The following ABCB1 variants were observed in gnomAD, a reference collection of about 807,000 sequenced individuals.
ABCB1 encodes ATP-dependent translocase ABCB1.
ABCB1 carries 69 observed loss-of-function variants against 142.0 expected under a neutral mutation model. The ratio of observed to expected loss-of-function variants is 0.49; its 90% CI spans 0.40 to 0.59. The LOEUF is 0.59. Ranked by LOEUF, ABCB1 falls within the 20% of genes least tolerant of loss-of-function variation. ABCB1 has a pLI of 0.00. For missense variants in ABCB1, 1,326 were observed against 1,554.7 expected (o/e 0.85, Z 2.47); for synonymous variants, 532 against 539.2 (o/e 0.99, Z 0.18).
At chr7:87,651,787 A>G (rs1823596360) in intron 1 of ABCB1, among the ~76,000 whole-genome samples, 1 of 152,100 alleles carries the variant, frequency 6.6e-6, no homozygotes, top group African/African-American at 2.4e-5. Flanking sequence ...TAAGTGTTTA[A>G]ATGAGTTGAG....
In ABCB1 at chr7:87,531,312, T is replaced by C. The variant is rs1816047278; in HGVS notation, c.2667A>G (p.Glu889=). The change falls in exon 21 of 28, where the codon GAA becomes GAG. Residue 889 remains glutamate (E), a synonymous_variant. Transcript: ENST00000622132. ...GACTCACCTTCCCAGAACCTTCTAG[T>C]TCTTTCTTATCTTTCAGTGCTTGTC... is the stretch of plus-strand genomic sequence containing the variant. ...LSGQALKDKK[E]LEGSGKIATE... 3 of 1,613,254 alleles carry C rather than the reference T, an allele frequency of 1.9e-6. No individual in the cohort carries two copies. Among genetic ancestry groups the C allele is most frequent in the Non-Finnish European group, 2.5e-6 (3 of 1,179,554 alleles).
rs2229109 is a variant in ABCB1 at position 87,550,493 on chromosome 7, C to T, written c.1199G>A (p.Ser400Asn). The T allele has an allele frequency of 0.032, 51,811 of 1,613,078 alleles. 1,007 individuals carry two copies. The highest frequency in any genetic ancestry group is 0.038 in the Non-Finnish European group (44,804 of 1,179,762). ...GNLEFRNVHFSYPSRKEVKIL... is the reference protein window; with the variant it reads ...GNLEFRNVHFNYPSRKEVKIL... Reference sequence around the variant, plus strand: ...CTTAACTTCTTTTCGAGATGGGTAACTGAAGTGAACATTTCTGAATTCCAA... The same window carrying T: ...CTTAACTTCTTTTCGAGATGGGTAATTGAAGTGAACATTTCTGAATTCCAA... Residue 400 changes from serine to asparagine, a missense_variant, in exon 11 of 28, where the codon AGT becomes AAT. Transcript: ENST00000622132.
At chr7:87,625,683 AAACTGTTG>A (rs999936134) in intron 1 of ABCB1, among the ~76,000 whole-genome samples, 20 of 152,158 alleles carry the variant, frequency 1.3e-4, no homozygotes, top group African/African-American at 4.8e-4. Context: ...TTCTGAATCC[AAACTGTTG>A]AACTAGCAAG....
chr7:87,675,973 T>C (rs1826314221), intron 1 of ABCB1, among the ~76,000 whole-genome samples: 1 of 152,186 alleles, frequency 6.6e-6, no homozygotes, highest in Non-Finnish European at 1.5e-5. Context: ...TCCCAGTGCT[T>C]TGTGATACTG....
chr7:87,539,914 C>T (rs767526899), intron 18 of ABCB1, among the ~76,000 whole-genome samples: 25 of 152,192 alleles, frequency 1.6e-4, no homozygotes, highest in Non-Finnish European at 3.1e-4. Flanking sequence ...CCACCTCACT[C>T]CAACTTTCTT....
In ABCB1 at chr7:87,550,816, C is replaced by G; in HGVS notation, c.1022G>C (p.Gly341Ala). The G allele has an allele frequency of 6.2e-7, 1 of 1,611,912 alleles. No homozygotes were observed. Among genetic ancestry groups the G allele is most frequent in the South Asian group, 1.1e-5 (1 of 91,040 alleles). ...AGATGCCTGTCCAACACTAAAAGCCCCAATTAATACAGAAAAGAATACCTG... is the reference window on the plus strand; with the variant it reads ...AGATGCCTGTCCAACACTAAAAGCCGCAATTAATACAGAAAAGAATACCTG... ...VLTVFFSVLI[G>A]AFSVGQASPS... Residue 341 changes from glycine to alanine, a missense_variant, in exon 10 of 28, where the codon GGG (glycine) becomes GCG (alanine). Physicochemically the swap from Gly to Ala is moderately conservative, Grantham distance 60. Coordinates refer to ENST00000622132, the MANE Select transcript of ABCB1 (RefSeq NM_001348946.2).
At chr7:87,548,964 T>G (rs963016140) in intron 14 of ABCB1, among the ~76,000 whole-genome samples, 3 of 152,238 alleles carry the variant, frequency 2.0e-5, no homozygotes, top group African/African-American at 7.2e-5. Context: ...GGTTGTATTT[T>G]TCTCTTCTTG....
In ABCB1 at chr7:87,536,561, T is replaced by A. The variant is rs1326169354; in HGVS notation, c.2398-20A>T. On this transcript the variant is annotated intron_variant, in intron 19 of 27. Coordinates refer to ENST00000622132, the MANE Select transcript of ABCB1 (RefSeq NM_001348946.2). Reference sequence around the variant, plus strand: ...CACATCCTGTGGCACAGAAAATGATTTTATTACCTTAAAGCTGTTTATGAG... The same window carrying A: ...CACATCCTGTGGCACAGAAAATGATATTATTACCTTAAAGCTGTTTATGAG... The A allele has an allele frequency of 5.6e-6, 9 of 1,612,666 alleles. No homozygotes were observed. Among genetic ancestry groups the A allele is most frequent in the Non-Finnish European group, 7.6e-6 (9 of 1,178,832 alleles).
At chr7:87,591,576 G>T (rs957399130) in intron 3 of ABCB1, among the ~76,000 whole-genome samples, 1 of 152,076 alleles carries the variant, frequency 6.6e-6, no homozygotes, top group Non-Finnish European at 1.5e-5. Context: ...ATGGAGCGTC[G>T]TTGTTGGAAC....
chr7:87,648,133 C>T (rs1235208711), intron 1 of ABCB1, among the ~76,000 whole-genome samples: 1 of 139,324 alleles, frequency 7.2e-6, no homozygotes, highest in African/African-American at 2.7e-5. Context: ...TACAGTGAGC[C>T]AAGATCACAC....
intron 1 of ABCB1, among the ~76,000 whole-genome samples, chr7:87,674,907 C>T (rs930932207): frequency 2.0e-4 from 30 of 152,268 alleles, no homozygotes; most frequent in African/African-American, 7.0e-4. Context: ...GCATGGTAAG[C>T]CTTGGGGGAG....
chr7:87,625,999 TGTATATGTAC>T (rs1428406808), intron 1 of ABCB1, among the ~76,000 whole-genome samples: 6 of 144,166 alleles, frequency 4.2e-5, no homozygotes, highest in African/African-American at 1.1e-4. Flanking sequence ...TACATATATA[TGTATATGTAC>T]ATATATATAT....
intron 1 of ABCB1, among the ~76,000 whole-genome samples, chr7:87,684,060 G>T (rs1827201594): frequency 6.6e-6 from 1 of 152,230 alleles, no homozygotes; most frequent in South Asian, 2.1e-4. Context: ...ACTAATAGGT[G>T]CATAGAAAAG....
Position 87,539,332 on chromosome 7 carries a change from C to T in ABCB1, c.2333G>A (p.Gly778Asp). 6.2e-7 allele frequency: 1 copy of T among 1,614,118 alleles called. No individual in the cohort carries two copies. Among genetic ancestry groups the T allele is most frequent in the Non-Finnish European group, 8.5e-7 (1 of 1,179,982 alleles). ...ITFFLQGFTF[G>D]KAGEILTKRL... is the part of the protein sequence containing the mutation. ...CTTGGTGAGGATCTCTCCAGCTTTG[C>T]CAAATGTGAAACCCTGTGGGCAGGA... Residue 778 changes from glycine to aspartate, a missense_variant, in exon 19 of 28, where the codon GGC becomes GAC. By Grantham distance (94) the Gly-to-Asp change is moderately conservative. Coordinates refer to ENST00000622132, the MANE Select transcript of ABCB1 (RefSeq NM_001348946.2).
At chr7:87,630,278 G>A (rs550612712) in intron 1 of ABCB1, among the ~76,000 whole-genome samples, 2 of 152,268 alleles carry the variant, frequency 1.3e-5, no homozygotes, top group Admixed American at 1.3e-4. Context: ...ATAACTCACA[G>A]TGACTTTTTA....
chr7:87,528,834 G>A (rs1815910424), intron 21 of ABCB1, among the ~76,000 whole-genome samples: 1 of 152,172 alleles, frequency 6.6e-6, no homozygotes, highest in Non-Finnish European at 1.5e-5. Context: ...TAATAATTTT[G>A]GGATATGAAT....
chr7:87,617,002 G>GT (rs1160827897), intron 1 of ABCB1, among the ~76,000 whole-genome samples: 2 of 152,204 alleles, frequency 1.3e-5, no homozygotes, highest in East Asian at 3.8e-4. Context: ...GACAAGGGGA[G>GT]GAGAGATGAG....
At chr7:87,572,610 A>T (rs1286460857) in intron 4 of ABCB1, among the ~76,000 whole-genome samples, 4 of 152,200 alleles carry the variant, frequency 2.6e-5, no homozygotes, top group Non-Finnish European at 5.9e-5. Flanking sequence ...ATGCATGCAT[A>T]TGTTCATTGT....
intron 21 of ABCB1, 134 bp from the exon 22 acceptor site, chr7:87,521,010 A>G: frequency 1.4e-6 from 1 of 717,342 alleles, no homozygotes; most frequent in Non-Finnish European, 2.4e-6. Context: ...TTTTCTCTGT[A>G]GAAAAAGATA....
Sources: allele counts gnomAD v4.1 joint callset (sites outside exome capture counted in the v4.1 genomes callset), GRCh38; gene constraint gnomAD v4.1.1; transcripts MANE v1.5; gene names NCBI Gene and HGNC (gene_info 2026-07-23, HGNC 2026-07-21).